FHIT: variants seen among roughly 807,000 people sequenced by gnomAD.
FHIT encodes bis(5'-adenosyl)-triphosphatase.
Under a neutral mutation model 17.9 loss-of-function variants are expected in FHIT, and 19 were observed. The ratio of observed to expected loss-of-function variants is 1.06; its 90% CI spans 0.74 to 1.56. The LOEUF (loss-of-function observed/expected upper bound fraction) is 1.56. Among genes scored for constraint, FHIT ranks in the 40% most tolerant of loss-of-function variants. The pLI, the probability that FHIT is intolerant of heterozygous loss-of-function variation, is 0.00. For missense variants in FHIT, 248 were observed against 189.2 expected, an observed-to-expected ratio of 1.31 and a Z score of -1.82; for synonymous variants, 81 against 69.7, an observed-to-expected ratio of 1.16 and a Z score of -0.81.
chr3:60,054,154 T>C (rs138269908), intron 5 of FHIT, among the ~76,000 whole-genome samples: 483 of 152,332 alleles, frequency 3.2e-3, no homozygotes, highest in African/African-American at 0.011. Context: ...GTTTTAATCA[T>C]AGAATTTTTT....
intron 7 of FHIT, among the ~76,000 whole-genome samples, chr3:60,007,822 G>A (rs1699983038): frequency 6.6e-6 from 1 of 152,008 alleles, no homozygotes; most frequent in African/African-American, 2.4e-5. Flanking sequence ...TGAGTAGAGG[G>A]CAGAACTCCT....
At chr3:60,147,860 T>C (rs1700307638) in intron 5 of FHIT, among the ~76,000 whole-genome samples, 1 of 152,184 alleles carries the variant, frequency 6.6e-6, no homozygotes, top group Admixed American at 6.5e-5. Flanking sequence ...GGCCTATTTG[T>C]GCATTTCTTT....
rs1255508796 is a variant in FHIT at position 60,861,044 on chromosome 3, G to A, written c.-110-39033C>T. Among the ~76,000 whole-genome samples the A allele has an allele frequency of 3.1e-5, 3 of 96,420 alleles. 1 individual carries two copies. Among genetic ancestry groups the A allele is most frequent in the Non-Finnish European group, 6.5e-5 (3 of 46,216 alleles). 63.3% of individuals were successfully genotyped at this position (96,420 alleles called of 152,430 possible). ...TATACGTATATCATGTATATATGAC[G>A]TACGTCATATATATCATGTGTATAT... On this transcript the variant is annotated intron_variant, in intron 3 of 9. Transcript: ENST00000492590.
At chr3:60,862,205 G>T (rs1553752833) in intron 3 of FHIT, among the ~76,000 whole-genome samples, 2 of 152,076 alleles carry the variant, frequency 1.3e-5, no homozygotes, top group Non-Finnish European at 2.9e-5. Flanking sequence ...TTAAGACAGT[G>T]TCTTGTTCTA....
rs564667975 is a variant in FHIT, at chr3:60,357,199, T to C, written c.103+179661A>G. On this transcript the variant is annotated intron_variant, in intron 5 of 9. Coordinates refer to ENST00000492590, the MANE Select transcript of FHIT (RefSeq NM_002012.4). ...TCCCCAGGCAAACACTGGAGATCAC[T>C]TGTTTTTTGTTTGTTTGTTTGTTTC... is the stretch of plus-strand genomic sequence containing the variant. Among the ~76,000 whole-genome samples, 3 of 151,968 alleles carry C rather than the reference T, an allele frequency of 2.0e-5. No individual in the cohort carries two copies. In the East Asian group the frequency reaches 5.8e-4, roughly 29 times the overall value.
intron 5 of FHIT, among the ~76,000 whole-genome samples, chr3:60,353,312 G>A (rs899677733): frequency 2.0e-5 from 3 of 152,056 alleles, no homozygotes; most frequent in Non-Finnish European, 2.9e-5. Context: ...GCCCAGGCCT[G>A]GTTGGTAAAA....
At chr3:61,244,536 A>G (rs1484995280) in intron 1 of FHIT, among the ~76,000 whole-genome samples, 2 of 152,158 alleles carry the variant, frequency 1.3e-5, no homozygotes, top group Non-Finnish European at 2.9e-5. Context: ...AGAAGACAGC[A>G]GAAGCCAGAA....
chr3:59,979,671 C>T (rs1235635972), intron 7 of FHIT, among the ~76,000 whole-genome samples: 1 of 152,044 alleles, frequency 6.6e-6, no homozygotes, highest in Non-Finnish European at 1.5e-5. Flanking sequence ...CACATTGAAA[C>T]TCTACACTAA....
chr3:61,032,760 G>C (rs575615032), intron 3 of FHIT, among the ~76,000 whole-genome samples: 1 of 152,280 alleles, frequency 6.6e-6, no homozygotes. Flanking sequence ...AGAACCAATG[G>C]GATAAATGTA....
chr3:60,410,340 A>G (rs1005318230), intron 5 of FHIT, among the ~76,000 whole-genome samples: 1 of 152,204 alleles, frequency 6.6e-6, no homozygotes, highest in African/African-American at 2.4e-5. Flanking sequence ...AAGAAAGTCT[A>G]TGTCTAAAGA....
chr3:61,115,112 C>G (rs911600215), intron 2 of FHIT, among the ~76,000 whole-genome samples: 2 of 152,020 alleles, frequency 1.3e-5, no homozygotes, highest in African/African-American at 2.4e-5. Context: ...AACTGTTGTT[C>G]TAGGTGTTGG....
chr3:59,870,868 T>TGTCTGC (rs1418652080), intron 8 of FHIT, among the ~76,000 whole-genome samples: 2,055 of 100,764 alleles, frequency 0.02, 58 homozygotes, highest in African/African-American at 0.054. Flanking sequence ...TGTGTGTGTG[T>TGTCTGC]GTGTGCGTGT....
chr3:60,683,458 G>T (rs1175861408), intron 4 of FHIT, among the ~76,000 whole-genome samples: 1 of 152,134 alleles, frequency 6.6e-6, no homozygotes, highest in African/African-American at 2.4e-5. Context: ...CCAGCAGAAA[G>T]ATTATGACTT....
chr3:60,381,801 G>GA (rs1171669177), intron 5 of FHIT, among the ~76,000 whole-genome samples: 12 of 135,518 alleles, frequency 8.9e-5, no homozygotes, highest in African/African-American at 3.4e-4. Flanking sequence ...TTAATAGTGT[G>GA]ATGATAATGG....
At chr3:60,295,399 C>G (rs1576435950) in intron 5 of FHIT, among the ~76,000 whole-genome samples, 1 of 152,104 alleles carries the variant, frequency 6.6e-6, no homozygotes, top group African/African-American at 2.4e-5. Context: ...GAAGCTCCCA[C>G]TCATAGCTGA....
chr3:61,168,506 C>A (rs2037905290), intron 2 of FHIT, among the ~76,000 whole-genome samples: 2 of 152,130 alleles, frequency 1.3e-5, no homozygotes, highest in Non-Finnish European at 2.9e-5. Context: ...TTTTTCTGGC[C>A]CTGTGTCCCA....
At chr3:60,200,935 A>T (rs1326463820) in intron 5 of FHIT, among the ~76,000 whole-genome samples, 1 of 152,068 alleles carries the variant, frequency 6.6e-6, no homozygotes, top group Non-Finnish European at 1.5e-5. Context: ...AACAAACATC[A>T]ACATTTATTG....
At position 61,131,273 on chromosome 3, in the gene FHIT, C is replaced by T. The variant is rs140568973; in HGVS notation, c.-164+69344G>A. 3.4e-3 allele frequency among the ~76,000 whole-genome samples: 513 copies of T among 152,356 alleles called. 3 individuals carry two copies. The highest frequency in any genetic ancestry group is 6.8e-3 in the Middle Eastern group (2 of 294). ...AGAAGCAAAACTCATCTTTCTCCTA[C>T]TCTACCTTCCTATCTCTTAGCAACT... On this transcript the variant is annotated intron_variant, in intron 2 of 9. Transcript: ENST00000492590.
chr3:60,228,534 T>C (rs1297619774), intron 5 of FHIT, among the ~76,000 whole-genome samples: 1 of 152,206 alleles, frequency 6.6e-6, no homozygotes, highest in African/African-American at 2.4e-5. Context: ...TCCATGGCTC[T>C]GGATGGAGAT....
Sources: allele counts gnomAD v4.1 joint callset (sites outside exome capture counted in the v4.1 genomes callset), GRCh38; gene constraint gnomAD v4.1.1; transcripts MANE v1.5; gene names NCBI Gene and HGNC (gene_info 2026-07-23, HGNC 2026-07-21).